The following PISD variants were observed in gnomAD, a reference collection of about 807,000 sequenced individuals.
PISD encodes phosphatidylserine decarboxylase proenzyme, mitochondrial.
PISD carries 31 observed loss-of-function variants against 43.5 expected under a neutral mutation model. The ratio of observed to expected loss-of-function variants is 0.71; its 90% CI spans 0.54 to 0.96. PISD has a LOEUF of 0.96. PISD is among the 40% of genes least tolerant of loss of function. The pLI, the probability that PISD is intolerant of heterozygous loss-of-function variation, is 0.00. For missense variants in PISD, 523 were observed against 548.4 expected, an observed-to-expected ratio of 0.95 and a Z score of 0.46; for synonymous variants, 259 against 228.7, an observed-to-expected ratio of 1.13 and a Z score of -1.20.
chr22:31,619,716 G>C lies in PISD; in HGVS notation c.1126C>G (p.Leu376Val). 1 of 1,614,228 alleles carries C rather than the reference G, an allele frequency of 6.2e-7. No individual in the cohort carries two copies. Among genetic ancestry groups the C allele is most frequent in the Non-Finnish European group, 8.5e-7 (1 of 1,180,014 alleles). Reference protein sequence around the residue: ...RKGEHLGEFNLGSTIVLIFEA... With the variant: ...RKGEHLGEFNVGSTIVLIFEA... ...AAGATGAGCACGATGGTGGAGCCCA[G>C]GTTGAACTCGCCCAGGTGCTCGCCC... Residue 376 changes from leucine to valine, a missense_variant, in exon 8 of 8, where the codon CTG becomes GTG. Physicochemically the swap from Leu to Val is conservative, Grantham distance 32. Coordinates refer to ENST00000439502, the MANE Select transcript of PISD (RefSeq NM_001326411.2).
upstream of PISD, chr22:31,662,344 G>A (rs967286298): frequency 4.7e-6 from 4 of 858,450 alleles, no homozygotes; most frequent in South Asian, 2.8e-5. Flanking sequence ...TCCGCCCTGT[G>A]GCTACTCCCC....
intron 3 of PISD, chr22:31,626,019 A>T: frequency 7.0e-7 from 1 of 1,433,984 alleles, no homozygotes; most frequent in Non-Finnish European, 9.1e-7. Flanking sequence ...GGTCAGGGCT[A>T]TTGCAGACAG....
chr22:31,645,286 C>T (rs1184335624), intron 3 of PISD, among the ~76,000 whole-genome samples: 4 of 151,910 alleles, frequency 2.6e-5, no homozygotes, highest in African/African-American at 9.7e-5. Context: ...CGCTTATATT[C>T]CCAGCTACTC....
chr22:31,628,307 T>G (rs1484891812), intron 3 of PISD: 2 of 478,826 alleles, frequency 4.2e-6, no homozygotes, highest in Non-Finnish European at 5.4e-6. Flanking sequence ...GGCCTCCCTA[T>G]TTCAAATCCT....
At chr22:31,662,456 T>C (rs977158393), upstream of PISD, 1 of 535,954 alleles carries the variant, frequency 1.9e-6, no homozygotes, top group Non-Finnish European at 3.4e-6. Context: ...CCTCCTTCCC[T>C]CTGGGTGCCT....
chr22:31,637,159 AAAAAAATATATATATATATATATATATAT>A (rs1301116538), intron 3 of PISD, among the ~76,000 whole-genome samples: 6 of 27,716 alleles, frequency 2.2e-4, no homozygotes, highest in East Asian at 2.7e-3. Flanking sequence ...AAAAAAAAAA[AAAAAAATATATATATATATATATATATAT>A]ATATATATAT....
chr22:31,644,047 CAA>C (rs549530970), intron 3 of PISD, among the ~76,000 whole-genome samples: 1 of 134,886 alleles, frequency 7.4e-6, no homozygotes. Context: ...GTCTCCGTCT[CAA>C]AAAAAAAAAC....
intron 3 of PISD, chr22:31,623,862 G>A (rs374220040): frequency 1.2e-6 from 2 of 1,610,236 alleles, no homozygotes; most frequent in African/African-American, 2.7e-5. Context: ...GCAGGGCACA[G>A]GTCCATGCAC....
intron 3 of PISD, among the ~76,000 whole-genome samples, chr22:31,637,167 ATATATATATATAT>A (rs2073519422): frequency 5.7e-4 from 11 of 19,224 alleles, no homozygotes; most frequent in African/African-American, 2.1e-3. Context: ...AAAAAAAAAT[ATATATATATATAT>A]ATATATATAT....
At chr22:31,656,979 T>A (rs898652370) in intron 1 of PISD, among the ~76,000 whole-genome samples, 15 of 152,226 alleles carry the variant, frequency 9.9e-5, no homozygotes, top group African/African-American at 2.6e-4. Context: ...TTAAAAAAAA[T>A]TTTTCTGGGT....
intron 3 of PISD, among the ~76,000 whole-genome samples, chr22:31,646,659 G>C (rs760786233): frequency 2.0e-5 from 3 of 152,058 alleles, no homozygotes; most frequent in Non-Finnish European, 4.4e-5. Context: ...TGTCAGCTTG[G>C]GTTTAACACT....
At chr22:31,658,991 C>A (rs556548016) in intron 1 of PISD, among the ~76,000 whole-genome samples, 1 of 151,910 alleles carries the variant, frequency 6.6e-6, no homozygotes, top group South Asian at 2.1e-4. Context: ...GTGGCTGGGA[C>A]TACATGTATG....
intron 1 of PISD, among the ~76,000 whole-genome samples, chr22:31,656,654 A>AAAT (rs901210330): frequency 2.2e-5 from 3 of 133,858 alleles, no homozygotes; most frequent in Admixed American, 7.3e-5. Flanking sequence ...TCTCAAAAAT[A>AAAT]AATAAATAAA....
intron 3 of PISD, chr22:31,628,029 G>T: frequency 3.0e-6 from 3 of 985,544 alleles, no homozygotes; most frequent in Non-Finnish European, 3.6e-6. Context: ...TGAGGGCAGG[G>T]CGTCCTTGCC....
chr22:31,640,360 T>C (rs2073656829), intron 3 of PISD, among the ~76,000 whole-genome samples: 1 of 149,460 alleles, frequency 6.7e-6, no homozygotes, highest in African/African-American at 2.5e-5. Flanking sequence ...ACCACACCGG[T>C]TGATTTTTGT....
intron 3 of PISD, among the ~76,000 whole-genome samples, chr22:31,645,225 G>C (rs1210038406): frequency 6.6e-6 from 1 of 151,980 alleles, no homozygotes; most frequent in Non-Finnish European, 1.5e-5. Context: ...ACATAAATGA[G>C]ACCCCTGTTT....
chr22:31,637,207 A>ATATATG (rs71184515), intron 3 of PISD, among the ~76,000 whole-genome samples: 1 of 116,288 alleles, frequency 8.6e-6, no homozygotes. Flanking sequence ...ATATATATAT[A>ATATATG]GAAAAATTAG....
chr22:31,626,002 A>T, intron 3 of PISD: 2 of 1,450,506 alleles, frequency 1.4e-6, no homozygotes, highest in South Asian at 2.8e-5. Flanking sequence ...CAGGGTGCAG[A>T]ATAGAGGGTC....
In PISD at chr22:31,630,764, G is replaced by A. The variant is rs1262013913; in HGVS notation, c.322-8879C>T. 2.0e-6 allele frequency: 2 copies of A among 985,464 alleles called. No homozygotes were observed. Among genetic ancestry groups the A allele is most frequent in the Admixed American group, 1.2e-4 (2 of 16,268 alleles). 61.0% of individuals were successfully genotyped at this position (985,464 alleles called of 1,614,324 possible). On this transcript the variant is annotated intron_variant, in intron 3 of 7. Coordinates refer to ENST00000439502, the MANE Select transcript of PISD (RefSeq NM_001326411.2). This position sits in a 1 kb window ranked among gnomAD's most constrained non-coding sequence, Gnocchi z 4.4. Reference sequence around the variant, plus strand: ...GGCGCCTCCCTGAGAAGTCACCTGGGGCTCCCGGCAGGGCCGGGGCGCCGG... The same window carrying A: ...GGCGCCTCCCTGAGAAGTCACCTGGAGCTCCCGGCAGGGCCGGGGCGCCGG...
Sources: gnomAD v4.1 joint callset for allele counts (sites outside exome capture counted in the v4.1 genomes callset) on GRCh38, gnomAD v4.1.1 for gene constraint, Gnocchi (gnomAD v3.1) non-coding constraint, MANE v1.5 for transcripts, NCBI Gene and HGNC (gene_info 2026-07-23, HGNC 2026-07-21) for gene names.